TBXAS1: variants seen among roughly 807,000 people sequenced by gnomAD.
TBXAS1 encodes the protein thromboxane-A synthase.
In TBXAS1, 48 loss-of-function variants were observed where a neutral mutation model predicts 60.7. The ratio of observed to expected loss-of-function variants is 0.79; its 90% CI spans 0.63 to 1.01. The LOEUF is 1.01. Among genes scored for constraint, TBXAS1 ranks in the 50% least tolerant of loss-of-function variants. TBXAS1 has a pLI of 0.00. For synonymous variants in TBXAS1, 287 were observed against 269.7 expected (o/e 1.06, Z -0.63); for missense variants, 685 against 686.3 (o/e 1.00, Z 0.02).
chr7:139,828,760 G>A (rs1402877089), upstream of TBXAS1, among the ~76,000 whole-genome samples: 2 of 152,122 alleles, frequency 1.3e-5, no homozygotes, highest in African/African-American at 2.4e-5. Flanking sequence ...GACCCCAATC[G>A]GGATCTTTGC....
chr7:139,827,985 T>C (rs762066462), upstream of TBXAS1, among the ~76,000 whole-genome samples: 1 of 152,188 alleles, frequency 6.6e-6, no homozygotes, highest in Non-Finnish European at 1.5e-5. Context: ...ACAATGAATT[T>C]CCCATGTGTT....
chr7:139,974,831 T>C (rs778855556), intron 9 of TBXAS1, among the ~76,000 whole-genome samples: 4 of 152,186 alleles, frequency 2.6e-5, no homozygotes, highest in Admixed American at 1.3e-4. Flanking sequence ...GATCCTAAAC[T>C]AAACAAAAGT....
chr7:139,795,656 G>A (rs1024827570), intron 4 of TBXAS1, among the ~76,000 whole-genome samples: 14 of 150,812 alleles, frequency 9.3e-5, no homozygotes, highest in South Asian at 2.1e-4. Context: ...TAGGTCTAAC[G>A]TTTAAGTCTT....
At chr7:139,951,671 G>T (rs1188173235) in intron 5 of TBXAS1, among the ~76,000 whole-genome samples, 1 of 148,322 alleles carries the variant, frequency 6.7e-6, no homozygotes, top group African/African-American at 2.5e-5. Flanking sequence ...TACTTGGGAG[G>T]CTGAAGCAGG....
Position 139,875,860 on chromosome 7 carries a change from G to A in TBXAS1, c.236+223G>A, listed in dbSNP as rs1201017845. The stretch of plus-strand genomic sequence containing the variant: ...ACGGGGGGACTCTGCTGGCCTGAAA[G>A]AGTACCACTTTCCAGCCTTTGCAGC... On this transcript the variant is annotated intron_variant, in intron 3 of 12. Transcript: ENST00000448866. The A allele has an allele frequency of 1.5e-5, 9 of 592,266 alleles. No homozygotes were observed. In the South Asian group the frequency reaches 1.8e-4, roughly 12 times the overall value. The allele number at this position is 592,266 out of a possible 1,614,324, so 36.7% of individuals were successfully genotyped here.
intron 5 of TBXAS1, among the ~76,000 whole-genome samples, chr7:139,951,267 A>C (rs1017489674): frequency 1.3e-5 from 2 of 152,168 alleles, no homozygotes; most frequent in African/African-American, 4.8e-5. Context: ...GTCTTCTAGA[A>C]AAGTCAACAT....
chr7:139,957,508 G>T, intron 7 of TBXAS1, 126 bp from the exon 8 acceptor site: 1 of 1,217,600 alleles, frequency 8.2e-7, no homozygotes, highest in Non-Finnish European at 1.2e-6. Context: ...GCAGTGCGGC[G>T]GGGAGGGCAG....
intron 1 of TBXAS1, among the ~76,000 whole-genome samples, chr7:139,845,640 T>C (rs1159467462): frequency 6.6e-6 from 1 of 152,134 alleles, no homozygotes; most frequent in African/African-American, 2.4e-5. Flanking sequence ...AGGCACGCAG[T>C]TACTTGTTGA....
chr7:139,866,306 C>A (rs1427753844), intron 1 of TBXAS1, among the ~76,000 whole-genome samples: 1 of 151,926 alleles, frequency 6.6e-6, no homozygotes, highest in Non-Finnish European at 1.5e-5. Context: ...AGAAAACACG[C>A]TAAGTATTTG....
At chr7:140,009,846 C>T (rs1814437578) in intron 10 of TBXAS1, among the ~76,000 whole-genome samples, 1 of 127,342 alleles carries the variant, frequency 7.9e-6, no homozygotes, top group Non-Finnish European at 1.7e-5. Flanking sequence ...CCATGCCCGC[C>T]CCACAGCCGC....
chr7:139,852,635 G>C lies in TBXAS1; in HGVS notation c.90-19600G>C, dbSNP rs1800296343. On this transcript the variant is annotated intron_variant, in intron 1 of 12. Coordinates refer to ENST00000448866, the MANE Select transcript of TBXAS1 (RefSeq NM_001061.7). The surrounding 1 kb of genome is among the most constrained non-coding windows in gnomAD (Gnocchi z 4.4). ...TTACAGGAACAAACATGATGCAAGG[G>C]GATTATAAATATTTTTTTGAAACTC... is the stretch of plus-strand genomic sequence containing the variant. Among the ~76,000 whole-genome samples, 1 of 152,032 alleles carries C rather than the reference G, an allele frequency of 6.6e-6. No individual in the cohort carries two copies. The highest frequency in any genetic ancestry group is 2.4e-5 in the African/African-American group (1 of 41,394).
At chr7:139,958,218 A>G (rs1029322730) in intron 8 of TBXAS1, among the ~76,000 whole-genome samples, 3 of 151,924 alleles carry the variant, frequency 2.0e-5, no homozygotes, top group African/African-American at 7.3e-5. Context: ...TCAGTCACTA[A>G]CCCCACACTC....
chr7:139,985,896 C>CG (rs1426452254), intron 9 of TBXAS1, among the ~76,000 whole-genome samples: 1 of 152,030 alleles, frequency 6.6e-6, no homozygotes, highest in African/African-American at 2.4e-5. Context: ...TGTGGACCAT[C>CG]GGGGGCCTAG....
chr7:139,781,696 G>T (rs1214232741), intron 2 of TBXAS1, among the ~76,000 whole-genome samples: 4 of 151,974 alleles, frequency 2.6e-5, no homozygotes, highest in African/African-American at 9.7e-5. Flanking sequence ...TTAGCCAGAC[G>T]TGGCGGTGGG....
chr7:139,874,500 T>A (rs1802069793), intron 2 of TBXAS1, among the ~76,000 whole-genome samples: 1 of 152,240 alleles, frequency 6.6e-6, no homozygotes, highest in South Asian at 2.1e-4. Context: ...TGACTATTTT[T>A]ATATTCATAT....
chr7:139,990,252 G>C (rs1471014042), intron 9 of TBXAS1, among the ~76,000 whole-genome samples: 1 of 152,198 alleles, frequency 6.6e-6, no homozygotes, highest in African/African-American at 2.4e-5. Context: ...CCATCTGAAA[G>C]TGTGAGCACA....
At chr7:139,925,469 G>A (rs1480382128) in intron 4 of TBXAS1, among the ~76,000 whole-genome samples, 1 of 152,120 alleles carries the variant, frequency 6.6e-6, no homozygotes, top group Non-Finnish European at 1.5e-5. Flanking sequence ...ATATAGAAAT[G>A]CTACTGATTT....
intron 1 of TBXAS1, among the ~76,000 whole-genome samples, chr7:139,847,076 C>T (rs1799869818): frequency 6.6e-6 from 1 of 152,098 alleles, no homozygotes; most frequent in African/African-American, 2.4e-5. Flanking sequence ...TGCTATTAGT[C>T]CATTGATGGC....
At chr7:139,940,296 C>G (rs1172587355) in intron 5 of TBXAS1, among the ~76,000 whole-genome samples, 2 of 152,118 alleles carry the variant, frequency 1.3e-5, no homozygotes, top group Non-Finnish European at 2.9e-5. Flanking sequence ...TCCCCAAAAC[C>G]TCCTGGTTTC....
Sources: allele counts gnomAD v4.1 joint callset (sites outside exome capture counted in the v4.1 genomes callset), GRCh38; gene constraint gnomAD v4.1.1; non-coding constraint Gnocchi (gnomAD v3.1); transcripts MANE v1.5; gene names NCBI Gene and HGNC (gene_info 2026-07-23, HGNC 2026-07-21).